Variants in CSMD1 observed in about 807,000 individuals in gnomAD.
CSMD1 encodes CUB and Sushi multiple domains 1.
A neutral mutation model predicts 417.5 loss-of-function variants in CSMD1; 213 were observed. The observed-to-expected ratio is 0.51, with a 90% CI of 0.46 to 0.57. CSMD1 has a LOEUF of 0.57. CSMD1 is among the 20% of genes least tolerant of loss of function. The pLI is 0.00. For synonymous variants in CSMD1, 2,862 were observed against 1,736.8 expected (o/e 1.65, Z -16.11); for missense variants, 6,923 against 4,529.7 (o/e 1.53, Z -15.17).
chr8:4,200,573 C>G (rs1389265089), intron 3 of CSMD1, among the ~76,000 whole-genome samples: 1 of 149,368 alleles, frequency 6.7e-6, no homozygotes, highest in African/African-American at 2.5e-5. Context: ...AATTATAAAT[C>G]TTGGCGGGCC....
intron 3 of CSMD1, among the ~76,000 whole-genome samples, chr8:4,397,124 GC>G (rs1804290309): frequency 6.6e-6 from 1 of 151,582 alleles, no homozygotes; most frequent in African/African-American, 2.4e-5. Context: ...CCATCTGCAC[GC>G]CATCACATGG....
At chr8:3,880,357 C>A (rs560432607) in intron 5 of CSMD1, among the ~76,000 whole-genome samples, 1 of 152,246 alleles carries the variant, frequency 6.6e-6, no homozygotes, top group East Asian at 1.9e-4. Flanking sequence ...TGTTAATTGA[C>A]AGTAAACAAT....
At chr8:4,617,292 T>C (rs1242273441) in intron 2 of CSMD1, among the ~76,000 whole-genome samples, 1 of 152,180 alleles carries the variant, frequency 6.6e-6, no homozygotes, top group African/African-American at 2.4e-5. Context: ...TTGGATAATG[T>C]CTATAAACTG....
intron 5 of CSMD1, among the ~76,000 whole-genome samples, chr8:3,791,342 C>G (rs2623682): frequency 1.3e-5 from 2 of 152,114 alleles, no homozygotes; most frequent in East Asian, 1.9e-4. Context: ...CATAGGATAA[C>G]CTGAAACAAT....
chr8:4,136,742 G>C lies in CSMD1; in HGVS notation c.416-104643C>G, dbSNP rs149040190. Among the ~76,000 whole-genome samples, 271 of 152,306 alleles carry C rather than the reference G, an allele frequency of 1.8e-3. 4 individuals are homozygous for C. The East Asian group carries it at 0.018, about 10-fold the overall frequency. ...CCATCAAGCCAACGGCTCTTGAAAGGTGTGCATGTGAATTATTTGACTTTT... is the reference window on the plus strand; with the variant it reads ...CCATCAAGCCAACGGCTCTTGAAAGCTGTGCATGTGAATTATTTGACTTTT... On this transcript the variant is annotated intron_variant, in intron 3 of 69. Transcript: ENST00000635120.
intron 46 of CSMD1, among the ~76,000 whole-genome samples, chr8:3,103,932 G>A (rs567260213): frequency 1.2e-4 from 18 of 151,814 alleles, no homozygotes; most frequent in African/African-American, 3.9e-4. Context: ...CAGTAGACAC[G>A]GGGTTTCTTC....
intron 7 of CSMD1, among the ~76,000 whole-genome samples, chr8:3,645,704 TG>T (rs1300458478): frequency 8.5e-5 from 13 of 152,158 alleles, no homozygotes; most frequent in Admixed American, 2.0e-4. Context: ...GAACTTTACT[TG>T]GCTCTGCAAG....
intron 16 of CSMD1, among the ~76,000 whole-genome samples, chr8:3,398,617 G>A (rs968942647): frequency 6.6e-6 from 1 of 152,094 alleles, no homozygotes; most frequent in Non-Finnish European, 1.5e-5. Flanking sequence ...TCAAGAAGAA[G>A]GTCATTGTTA....
At chr8:4,043,465 C>A (rs1055271845) in intron 3 of CSMD1, among the ~76,000 whole-genome samples, 4 of 152,034 alleles carry the variant, frequency 2.6e-5, no homozygotes, top group Admixed American at 2.0e-4. Context: ...AAAAATACAC[C>A]CAGTGTTATG....
chr8:3,289,294 C>T (rs1336091451), intron 25 of CSMD1, among the ~76,000 whole-genome samples: 2 of 147,194 alleles, frequency 1.4e-5, no homozygotes, highest in Admixed American at 6.7e-5. Flanking sequence ...CATACGTGTG[C>T]ATGTGTCTTT....
chr8:4,454,471 A>T (rs1265047860), intron 2 of CSMD1, among the ~76,000 whole-genome samples: 1 of 152,180 alleles, frequency 6.6e-6, no homozygotes, highest in Non-Finnish European at 1.5e-5. Context: ...TAAACTCTTC[A>T]AGTATTTTGT....
chr8:3,299,898 T>C (rs1237898904), intron 25 of CSMD1, among the ~76,000 whole-genome samples: 1 of 152,224 alleles, frequency 6.6e-6, no homozygotes, highest in East Asian at 1.9e-4. Flanking sequence ...CTGCTGGTGG[T>C]ATATCTACTC....
chr8:3,547,682 T>C (rs1798732714), intron 10 of CSMD1, among the ~76,000 whole-genome samples: 1 of 152,216 alleles, frequency 6.6e-6, no homozygotes, highest in Non-Finnish European at 1.5e-5. Context: ...AACCTTTCTT[T>C]GGAGTTAAAT....
intron 2 of CSMD1, among the ~76,000 whole-genome samples, chr8:4,494,361 G>C (rs554625749): frequency 6.4e-4 from 97 of 152,276 alleles, no homozygotes; most frequent in Admixed American, 1.8e-3. Context: ...TGACATTTGA[G>C]ACTTACTAAA....
At chr8:3,068,623 G>A (rs1813111422) in intron 49 of CSMD1, among the ~76,000 whole-genome samples, 2 of 152,180 alleles carry the variant, frequency 1.3e-5, no homozygotes, top group Non-Finnish European at 2.9e-5. Context: ...CTTCTGGGGA[G>A]GCCTTAGGAA....
In CSMD1 at chr8:3,387,558, A is replaced by C. The variant is rs1186698909; in HGVS notation, c.2718T>G (p.Ser906Arg). The change falls in exon 18 of 70, where the codon AGT becomes AGG. Residue 906 changes from serine (S) to arginine (R), a missense_variant. Ser to Arg is a moderately radical substitution (Grantham distance 110). Coordinates refer to ENST00000635120, the MANE Select transcript of CSMD1 (RefSeq NM_033225.6). The part of the protein sequence containing the change: ...TFSCDPGYTL[S>R]DDEPLVCERN... Reference sequence around the variant, plus strand: ...TCTCACAGACGAGGGGCTCGTCGTCACTTAGTGTGTACCCCGGGTCACAGC... The same window carrying C: ...TCTCACAGACGAGGGGCTCGTCGTCCCTTAGTGTGTACCCCGGGTCACAGC... 3.1e-6 allele frequency: 5 copies of C among 1,602,286 alleles called. No homozygotes were observed. In the South Asian group the frequency reaches 4.5e-5, roughly 14 times the overall value.
chr8:4,376,186 A>G (rs1802721879), intron 3 of CSMD1, among the ~76,000 whole-genome samples: 1 of 152,186 alleles, frequency 6.6e-6, no homozygotes, highest in Admixed American at 6.5e-5. Flanking sequence ...TATCAAAAGA[A>G]TTTATTTTCT....
intron 1 of CSMD1, among the ~76,000 whole-genome samples, chr8:4,860,212 G>T (rs1180873604): frequency 7.5e-6 from 1 of 134,002 alleles, no homozygotes; most frequent in Non-Finnish European, 1.5e-5. Context: ...ACTGAACAAG[G>T]AGATCACATG....
chr8:4,786,934 CT>C (rs1797429542), intron 1 of CSMD1, among the ~76,000 whole-genome samples: 1 of 152,110 alleles, frequency 6.6e-6, no homozygotes, highest in African/African-American at 2.4e-5. Flanking sequence ...TTAAAAGGCA[CT>C]TTTTAAATCT....
Sources: gnomAD v4.1 joint callset for allele counts (sites outside exome capture counted in the v4.1 genomes callset) on GRCh38, gnomAD v4.1.1 for gene constraint, MANE v1.5 for transcripts, NCBI Gene and HGNC (gene_info 2026-07-23, HGNC 2026-07-21) for gene names.